Variants in DOCK1 observed in about 807,000 individuals in gnomAD.
The protein encoded by DOCK1 is dedicator of cytokinesis 1, also known as dedicator of cytokinesis protein 1.
DOCK1 carries 138 observed loss-of-function variants against 262.7 expected under a neutral mutation model. That is an observed-to-expected ratio of 0.53 (90% confidence interval 0.46 to 0.61). The LOEUF is 0.61. Among genes scored for constraint, DOCK1 ranks in the 20% least tolerant of loss-of-function variants. The probability of loss-of-function intolerance (pLI) is 0.00; values close to 1 mark genes in which losing one functional copy is unlikely to be tolerated. For synonymous variants in DOCK1, 866 were observed against 867.4 expected (o/e 1.00, Z 0.03); for missense variants, 1,908 against 2,370.7 (o/e 0.80, Z 4.05).
chr10:126,942,768 G>T (rs1436095531), intron 1 of DOCK1, among the ~76,000 whole-genome samples: 2 of 152,180 alleles, frequency 1.3e-5, no homozygotes, highest in Non-Finnish European at 2.9e-5. Flanking sequence ...CTAATGGAAA[G>T]TAGGGGATAG....
chr10:127,071,348 T>C (rs1370153642), intron 23 of DOCK1, among the ~76,000 whole-genome samples: 1 of 152,200 alleles, frequency 6.6e-6, no homozygotes, highest in Non-Finnish European at 1.5e-5. Context: ...TCTGGATAAA[T>C]ACACTTGTTT....
intron 23 of DOCK1, among the ~76,000 whole-genome samples, chr10:127,085,403 A>G (rs1316936811): frequency 1.3e-5 from 2 of 152,226 alleles, no homozygotes; most frequent in East Asian, 3.9e-4. Flanking sequence ...TGCATTATCC[A>G]TCAGTTAGGG....
intron 16 of DOCK1, among the ~76,000 whole-genome samples, chr10:127,031,382 G>A (rs907580109): frequency 2.0e-5 from 3 of 152,092 alleles, no homozygotes; most frequent in East Asian, 1.9e-4. Flanking sequence ...CCGTTTTCAC[G>A]TTCCAGGAAA....
chr10:127,303,570 GTAATCCCAACACTTTGGGAGGCCCACAC>G (rs879318825), intron 29 of DOCK1, among the ~76,000 whole-genome samples: 19,135 of 152,084 alleles, frequency 0.13, 1,635 homozygotes, highest in African/African-American at 0.23. Context: ...GCTCACACCT[GTAATCCCAACACTTTGGGAGGCCCACAC>G]CTGTAATCCC....
At chr10:127,077,205 G>A (rs12357472) in intron 23 of DOCK1, among the ~76,000 whole-genome samples, 366 of 152,092 alleles carry the variant, frequency 2.4e-3, no homozygotes, top group Non-Finnish European at 3.9e-3. Context: ...GACCAACCTG[G>A]CCAACATGGT....
At chr10:127,085,454 C>A (rs1447701547) in intron 23 of DOCK1, among the ~76,000 whole-genome samples, 1 of 152,166 alleles carries the variant, frequency 6.6e-6, no homozygotes, top group Non-Finnish European at 1.5e-5. Flanking sequence ...TATCTCTGTC[C>A]TCTTATTTAA....
rs752276761 is a variant in DOCK1, at chr10:126,998,291, G to A, written c.767+42G>A. ...GGCTGCCGTCTTTCCTCTTTGGTTA[G>A]TGTTAGGAACTTGGGATCAGAACCA... On this transcript the variant is annotated intron_variant, in intron 8 of 51. Transcript: ENST00000623213. 4 of 1,611,068 alleles carry A rather than the reference G, an allele frequency of 2.5e-6. No individual in the cohort carries two copies. In the Admixed American group the frequency reaches 6.7e-5, roughly 27 times the overall value.
intron 36 of DOCK1, among the ~76,000 whole-genome samples, chr10:127,380,817 T>C (rs1402387175): frequency 6.6e-6 from 1 of 152,256 alleles, no homozygotes; most frequent in African/African-American, 2.4e-5. Context: ...AGATTGTTTT[T>C]ACTTCTCCTT....
chr10:127,433,251 C>A, intron 47 of DOCK1, 32 bp from the exon 48 acceptor site: 1 of 1,609,230 alleles, frequency 6.2e-7, no homozygotes, highest in Non-Finnish European at 8.5e-7. Flanking sequence ...AGGCATCAAA[C>A]AAGTCTCCTT....
chr10:127,219,488 T>A (rs1422770944), intron 27 of DOCK1, among the ~76,000 whole-genome samples: 1 of 152,172 alleles, frequency 6.6e-6, no homozygotes, highest in East Asian at 1.9e-4. Context: ...TGTGGTAAAA[T>A]ATATATCACA....
intron 27 of DOCK1, among the ~76,000 whole-genome samples, chr10:127,206,226 C>T (rs2057717065): frequency 1.4e-5 from 2 of 146,290 alleles, no homozygotes; most frequent in Admixed American, 7.1e-5. Flanking sequence ...TCACTGCAAC[C>T]TCCACCTCCC....
chr10:127,019,936 T>C (rs1171644320), intron 13 of DOCK1, among the ~76,000 whole-genome samples: 1 of 152,200 alleles, frequency 6.6e-6, no homozygotes, highest in Non-Finnish European at 1.5e-5. Context: ...AGGAGAGTGG[T>C]GGCTATTCAG....
intron 21 of DOCK1, among the ~76,000 whole-genome samples, 174 bp from the exon 22 acceptor site, chr10:127,052,507 G>A (rs1193590242): frequency 1.4e-5 from 2 of 143,678 alleles, no homozygotes; most frequent in African/African-American, 5.1e-5. Flanking sequence ...CTGGGTGACA[G>A]GGTGAAACTG....
rs373014943 is a variant in DOCK1 at position 127,031,610 on chromosome 10, T to C, written c.1625-40T>C. ...TTATAATGTTATTTTGTCATGATAATTGAAAGCAATCATCAATTTTTTTGT... is the reference window on the plus strand; with the variant it reads ...TTATAATGTTATTTTGTCATGATAACTGAAAGCAATCATCAATTTTTTTGT... On this transcript the variant is annotated intron_variant, in intron 16 of 51. Transcript: ENST00000623213. 6 of 1,480,604 alleles carry C rather than the reference T, an allele frequency of 4.1e-6. No homozygotes were observed. The African/African-American group carries it at 4.2e-5, about 10-fold the overall frequency. The allele number at this position is 1,480,604 out of a possible 1,614,324, so 91.7% of individuals were successfully genotyped here. A position where few individuals can be genotyped will look rare whatever the true frequency, so the allele number is the denominator to read the frequency against.
intron 29 of DOCK1, among the ~76,000 whole-genome samples, chr10:127,312,679 A>G (rs1479537529): frequency 6.6e-6 from 1 of 151,834 alleles, no homozygotes; most frequent in African/African-American, 2.4e-5. Context: ...TGAGTTTGCA[A>G]TGCCTGTCCC....
intron 25 of DOCK1, among the ~76,000 whole-genome samples, chr10:127,123,018 G>T (rs114362117): frequency 7.9e-4 from 120 of 152,284 alleles, no homozygotes; most frequent in African/African-American, 2.8e-3. Flanking sequence ...AGCCTACAGG[G>T]CCAGCTCTGC....
chr10:127,030,800 G>A (rs61873974), intron 16 of DOCK1, among the ~76,000 whole-genome samples: 6,912 of 141,550 alleles, frequency 0.049, 209 homozygotes, highest in Middle Eastern at 0.072. Context: ...CTCTATCTCT[G>A]TCTCTGTCTC....
intron 27 of DOCK1, among the ~76,000 whole-genome samples, chr10:127,244,413 A>G (rs1250555667): frequency 1.3e-5 from 2 of 152,234 alleles, no homozygotes; most frequent in African/African-American, 2.4e-5. Context: ...TATCAGAAGT[A>G]GAATTACTTA....
chr10:127,302,978 G>T (rs1055981204), intron 29 of DOCK1, among the ~76,000 whole-genome samples: 4 of 151,938 alleles, frequency 2.6e-5, no homozygotes, highest in African/African-American at 9.7e-5. Context: ...ACTGAAATGT[G>T]GTATTATTAA....
Sources: allele counts gnomAD v4.1 joint callset (sites outside exome capture counted in the v4.1 genomes callset), GRCh38; gene constraint gnomAD v4.1.1; transcripts MANE v1.5; gene names NCBI Gene and HGNC (gene_info 2026-07-23, HGNC 2026-07-21).